The following TMTC1 variants were observed in gnomAD, a reference collection of about 807,000 sequenced individuals.
TMTC1 encodes the protein transmembrane O-mannosyltransferase targeting cadherins 1, also known as protein O-mannosyl-transferase TMTC1.
In TMTC1, 73 loss-of-function variants were observed where a neutral mutation model predicts 104.8. That is an observed-to-expected ratio of 0.70 (90% CI 0.58 to 0.85). The LOEUF (loss-of-function observed/expected upper bound fraction) is 0.85, where lower values mean the gene tolerates loss of function less well. Among genes scored for constraint, TMTC1 ranks in the 40% least tolerant of loss-of-function variants. TMTC1 has a pLI of 0.00. For synonymous variants in TMTC1, 434 were observed against 428.7 expected (o/e 1.01, Z -0.15); for missense variants, 1,035 against 1,096.1 (o/e 0.94, Z 0.79).
At chr12:29,662,383 GGC>G (rs775322772) in intron 5 of TMTC1, among the ~76,000 whole-genome samples, 12 of 152,272 alleles carry the variant, frequency 7.9e-5, no homozygotes, top group Non-Finnish European at 1.6e-4. Flanking sequence ...CAGGTGAGGT[GGC>G]TCACGCCTGT....
chr12:29,683,454 A>C (rs139257982), intron 5 of TMTC1, among the ~76,000 whole-genome samples: 1,707 of 152,324 alleles, frequency 0.011, 105 homozygotes, highest in Admixed American at 0.1. Flanking sequence ...ATTTAAAGAA[A>C]ATCTTGAAGC....
chr12:29,725,014 C>CTTTTTTTTTT (rs869135481), intron 5 of TMTC1, among the ~76,000 whole-genome samples: 1 of 90,402 alleles, frequency 1.1e-5, no homozygotes, highest in Non-Finnish European at 2.0e-5. Context: ...CTGCCAAGTT[C>CTTTTTTTTTT]TTTTTTTTTT....
rs907420995 is a variant in TMTC1 at position 29,776,927 on chromosome 12, C to T, written c.302+6523G>A. Among the ~76,000 whole-genome samples the T allele has an allele frequency of 7.9e-5, 12 of 152,254 alleles. No homozygotes were observed. In the East Asian group the frequency reaches 2.3e-3, roughly 29 times the overall value. On this transcript the variant is annotated intron_variant, in intron 1 of 17. Transcript: ENST00000539277. ...GTTTGGCCTGTGCAAAGAACAAGGG[C>T]TCTGGAATGCTGGTGCAGAGAATGA... is the stretch of plus-strand genomic sequence containing the variant.
At chr12:29,754,757 A>G (rs1345308438) in intron 4 of TMTC1, among the ~76,000 whole-genome samples, 2 of 152,046 alleles carry the variant, frequency 1.3e-5, no homozygotes, top group Non-Finnish European at 2.9e-5. Flanking sequence ...AGAGCACTAC[A>G]CTCTTTTTAA....
chr12:29,518,422 G>T, intron 13 of TMTC1, 50 bp downstream of exon 13: 1 of 1,590,528 alleles, frequency 6.3e-7, no homozygotes, highest in Non-Finnish European at 8.6e-7. Context: ...GCTGATGAGT[G>T]ATTGCTGAGG....
At chr12:29,542,722 AAAG>A (rs1426329504) in intron 10 of TMTC1, among the ~76,000 whole-genome samples, 2 of 152,100 alleles carry the variant, frequency 1.3e-5, no homozygotes, top group African/African-American at 2.4e-5. Context: ...AAGACAGGAT[AAAG>A]AAGACTTCCC....
Position 29,517,435 on chromosome 12 carries a change from A to G in TMTC1, c.2161T>C (p.Leu721=). The G allele has an allele frequency of 6.2e-7, 1 of 1,614,088 alleles. No homozygotes were observed. Among genetic ancestry groups the G allele is most frequent in the South Asian group, 1.1e-5 (1 of 91,076 alleles). ...TCTTTCATCCTACTCACCAGTGCCA[A>G]GCGGAGCTCCCTCTGAGAAGGCTGA... ...ALQPSQRELR[L]ALAQVLAVMG... The change falls in exon 14 of 18, where the codon TTG becomes CTG. Residue 721 remains leucine (L), a synonymous_variant. Transcript: ENST00000539277.
rs1234803624 is a variant in TMTC1, at chr12:29,501,194, G to GT, written c.*5651dup. On this transcript the variant is annotated 3_prime_UTR_variant, in exon 18 of 18. Coordinates refer to ENST00000539277, the MANE Select transcript of TMTC1 (RefSeq NM_001193451.2). ...CACCTCATCTTTTTTCCCCAGTAAA[G>GT]TAACAATCACTGTAGGAATTTTTAA... 6.6e-6 allele frequency: 1 copy of GT among 152,112 alleles called. No homozygotes were observed. Among genetic ancestry groups the GT allele is most frequent in the Non-Finnish European group, 1.5e-5 (1 of 68,028 alleles). 9.4% of individuals were successfully genotyped at this position (152,112 alleles called of 1,614,324 possible). A position where few individuals can be genotyped will look rare whatever the true frequency, so the allele number is the denominator to read the frequency against.
intron 5 of TMTC1, among the ~76,000 whole-genome samples, chr12:29,747,088 G>A (rs1444590836): frequency 6.6e-6 from 1 of 152,144 alleles, no homozygotes; most frequent in African/African-American, 2.4e-5. Flanking sequence ...TGTGGTCATT[G>A]TCATTTAAAT....
intron 4 of TMTC1, among the ~76,000 whole-genome samples, chr12:29,753,602 A>G (rs892806553): frequency 2.0e-5 from 3 of 152,242 alleles, no homozygotes; most frequent in African/African-American, 7.2e-5. Context: ...CCCTTAGGTG[A>G]TATCACCCAT....
intron 5 of TMTC1, among the ~76,000 whole-genome samples, chr12:29,740,536 C>T (rs1029985077): frequency 1.2e-4 from 19 of 152,170 alleles, no homozygotes; most frequent in Non-Finnish European, 2.5e-4. Flanking sequence ...CCTCAGCTTG[C>T]AGACAGCCTA....
At chr12:29,528,760 A>G (rs1592177965) in intron 11 of TMTC1, among the ~76,000 whole-genome samples, 1 of 152,288 alleles carries the variant, frequency 6.6e-6, no homozygotes, top group East Asian at 1.9e-4. Context: ...AGTTACTGAG[A>G]ATTCCAAAGA....
intron 6 of TMTC1, among the ~76,000 whole-genome samples, chr12:29,624,857 A>T (rs1001189567): frequency 7.2e-5 from 11 of 152,232 alleles, no homozygotes; most frequent in Non-Finnish European, 1.0e-4. Flanking sequence ...CAGAGGAAAA[A>T]GTAGTGAAGC....
intron 5 of TMTC1, among the ~76,000 whole-genome samples, chr12:29,653,318 G>A (rs975179053): frequency 4.6e-5 from 7 of 152,036 alleles, no homozygotes; most frequent in African/African-American, 1.7e-4. Flanking sequence ...CAGGAAGATG[G>A]TGGCAGTGGG....
intron 5 of TMTC1, among the ~76,000 whole-genome samples, chr12:29,664,783 G>C (rs12580697): frequency 0.15 from 22,406 of 152,140 alleles, 2,315 homozygotes; most frequent in Admixed American, 0.31. Flanking sequence ...ATAAGATAAA[G>C]TACCTAAAAT....
chr12:29,543,430 G>C (rs1191762902), intron 10 of TMTC1, among the ~76,000 whole-genome samples: 4 of 152,164 alleles, frequency 2.6e-5, no homozygotes, highest in African/African-American at 9.7e-5. Flanking sequence ...TGACATTTGG[G>C]GAGAACGTAG....
chr12:29,713,342 G>C (rs3042148), intron 5 of TMTC1, among the ~76,000 whole-genome samples: 6,449 of 96,900 alleles, frequency 0.067, 509 homozygotes, highest in African/African-American at 0.2. Flanking sequence ...CACACACACA[G>C]GGAGAGAGAG....
intron 1 of TMTC1, among the ~76,000 whole-genome samples, chr12:29,775,065 A>T (rs763643403): frequency 5.9e-5 from 9 of 152,142 alleles, no homozygotes; most frequent in Non-Finnish European, 1.3e-4. Context: ...GTACTAAAGA[A>T]AGGGTAAGAA....
At chr12:29,703,687 C>T (rs1295927147) in intron 5 of TMTC1, among the ~76,000 whole-genome samples, 1 of 152,144 alleles carries the variant, frequency 6.6e-6, no homozygotes, top group Non-Finnish European at 1.5e-5. Flanking sequence ...CATCCAGTTC[C>T]ACCCCCTGAC....
Sources: gnomAD v4.1 joint callset for allele counts (sites outside exome capture counted in the v4.1 genomes callset) on GRCh38, gnomAD v4.1.1 for gene constraint, MANE v1.5 for transcripts, NCBI Gene and HGNC (gene_info 2026-07-23, HGNC 2026-07-21) for gene names.